Variants in CFAP299 observed in about 807,000 individuals in gnomAD.
CFAP299 encodes cilia- and flagella-associated protein 299.
A neutral mutation model predicts 27.0 loss-of-function variants in CFAP299; 21 were observed. The observed-to-expected ratio is 0.78, with a 90% confidence interval of 0.55 to 1.12. CFAP299 has a LOEUF of 1.12. Ranked by LOEUF, CFAP299 falls within the 50% of genes most tolerant of loss-of-function variation. The probability of loss-of-function intolerance (pLI) is 0.00; values close to 1 mark genes in which losing one functional copy is unlikely to be tolerated. For synonymous variants in CFAP299, 104 were observed against 98.1 expected (o/e 1.06, Z -0.36); for missense variants, 310 against 276.6 (o/e 1.12, Z -0.86).
chr4:80,533,498 C>T (rs571336901), intron 2 of CFAP299, among the ~76,000 whole-genome samples: 1 of 152,052 alleles, frequency 6.6e-6, no homozygotes, highest in South Asian at 2.1e-4. Flanking sequence ...GGGTGGGTAC[C>T]TTTTGCAATT....
intron 3 of CFAP299, among the ~76,000 whole-genome samples, chr4:80,800,029 TA>T (rs1728319655): frequency 1.8e-5 from 1 of 54,528 alleles, no homozygotes; most frequent in African/African-American, 8.0e-5. Flanking sequence ...ATATTATATA[TA>T]ATATATAATA....
At chr4:80,698,388 T>C (rs537448544) in intron 3 of CFAP299, among the ~76,000 whole-genome samples, 19 of 152,314 alleles carry the variant, frequency 1.2e-4, no homozygotes, top group African/African-American at 4.6e-4. Flanking sequence ...TGAATGTTTT[T>C]GAATGAATGA....
At chr4:80,616,336 C>A (rs1018748926) in intron 3 of CFAP299, among the ~76,000 whole-genome samples, 1 of 152,016 alleles carries the variant, frequency 6.6e-6, no homozygotes, top group East Asian at 1.9e-4. Flanking sequence ...TTCAAAAGAA[C>A]TATAAAGTTT....
chr4:80,872,410 T>C (rs1733147271), intron 4 of CFAP299: 2 of 152,172 alleles, frequency 1.3e-5, no homozygotes, highest in South Asian at 4.1e-4. Flanking sequence ...TAACTTGAAT[T>C]CTTCTATAGA....
chr4:80,660,288 C>T (rs1353930817), intron 3 of CFAP299, among the ~76,000 whole-genome samples: 1 of 151,692 alleles, frequency 6.6e-6, no homozygotes, highest in Non-Finnish European at 1.5e-5. Flanking sequence ...ATGGCGGGGA[C>T]TGTTGTAAAG....
chr4:80,521,645 C>G (rs531386736), intron 2 of CFAP299, among the ~76,000 whole-genome samples: 2 of 152,126 alleles, frequency 1.3e-5, no homozygotes, highest in African/African-American at 4.8e-5. Context: ...CTGACAACCA[C>G]CATTCTATGT....
chr4:80,479,120 A>G (rs1730429971), intron 2 of CFAP299, among the ~76,000 whole-genome samples: 4 of 152,174 alleles, frequency 2.6e-5, no homozygotes, highest in Middle Eastern at 3.4e-3. Flanking sequence ...CTAAGAAATG[A>G]TATAACAATT....
chr4:80,323,078 G>A, the CFAP299 span, among the ~76,000 whole-genome samples: 4 of 152,194 alleles, frequency 2.6e-5, no homozygotes, highest in Admixed American at 2.6e-4. Flanking sequence ...AGAATATGGG[G>A]CAGAATAGCA....
intron 4 of CFAP299, among the ~76,000 whole-genome samples, chr4:80,887,507 A>G (rs759184002): frequency 1.2e-4 from 19 of 152,136 alleles, no homozygotes; most frequent in Non-Finnish European, 2.5e-4. Context: ...TGAAGGAGAA[A>G]TAAATAACTT....
At chr4:80,572,061 T>C (rs1185123879) in intron 2 of CFAP299, among the ~76,000 whole-genome samples, 1 of 152,168 alleles carries the variant, frequency 6.6e-6, no homozygotes, top group Non-Finnish European at 1.5e-5. Flanking sequence ...TGTTTGTGGG[T>C]ACACAGGGTA....
At chr4:80,742,869 A>C (rs1489065786) in intron 3 of CFAP299, among the ~76,000 whole-genome samples, 1 of 152,204 alleles carries the variant, frequency 6.6e-6, no homozygotes, top group Admixed American at 6.5e-5. Context: ...AGCTCAAAAA[A>C]ACACAAATTT....
chr4:80,911,216 G>GTT (rs758866957), intron 4 of CFAP299, among the ~76,000 whole-genome samples: 5 of 124,840 alleles, frequency 4.0e-5, no homozygotes, highest in Admixed American at 7.9e-5. Context: ...TTGCTTGGTT[G>GTT]TTTTTTTTTT....
At chr4:80,600,123 A>G (rs182212272) in intron 3 of CFAP299, among the ~76,000 whole-genome samples, 1 of 152,228 alleles carries the variant, frequency 6.6e-6, no homozygotes, top group Non-Finnish European at 1.5e-5. Context: ...TGGCCACTGT[A>G]TGAGGGTGAT....
intron 2 of CFAP299, among the ~76,000 whole-genome samples, chr4:80,422,336 T>C (rs1009536198): frequency 6.6e-6 from 1 of 151,794 alleles, no homozygotes; most frequent in African/African-American, 2.4e-5. Context: ...TTCCCCTCAC[T>C]AATCTCACAG....
intron 3 of CFAP299, among the ~76,000 whole-genome samples, chr4:80,843,370 G>A (rs1372977223): frequency 6.6e-6 from 1 of 151,924 alleles, no homozygotes; most frequent in East Asian, 1.9e-4. Context: ...TGAGAATGAT[G>A]GTTTCCAGCT....
chr4:80,692,858 C>A (rs923550685), intron 3 of CFAP299, among the ~76,000 whole-genome samples: 1 of 152,026 alleles, frequency 6.6e-6, no homozygotes, highest in Admixed American at 6.5e-5. Context: ...AAGAAAAAAA[C>A]AAACAACCCC....
At chr4:80,348,148 A>C (rs942726029) in intron 1 of CFAP299, among the ~76,000 whole-genome samples, 1 of 152,210 alleles carries the variant, frequency 6.6e-6, no homozygotes, top group African/African-American at 2.4e-5. Flanking sequence ...AAATTAGCTC[A>C]AGATTGATTA....
chr4:80,583,260 ATCTT>A (rs1393988331), intron 3 of CFAP299, 77 bp downstream of exon 3: 3 of 758,598 alleles, frequency 4.0e-6, no homozygotes, highest in Non-Finnish European at 4.1e-6. Context: ...AACATTAAAT[ATCTT>A]TCTTAAAGTA....
intron 4 of CFAP299, among the ~76,000 whole-genome samples, chr4:80,906,213 T>G (rs1439074317): frequency 6.6e-6 from 1 of 152,150 alleles, no homozygotes; most frequent in African/African-American, 2.4e-5. Flanking sequence ...TCATTAAAAT[T>G]TAAAGTTCCA....
Sources: gnomAD v4.1 joint callset for allele counts (sites outside exome capture counted in the v4.1 genomes callset) on GRCh38, gnomAD v4.1.1 for gene constraint, MANE v1.5 for transcripts, NCBI Gene and HGNC (gene_info 2026-07-23, HGNC 2026-07-21) for gene names.